ASCC3: variants seen among roughly 807,000 people sequenced by gnomAD.
ASCC3 encodes activating signal cointegrator 1 complex subunit 3.
A neutral mutation model predicts 256.3 loss-of-function variants in ASCC3; 158 were observed. That is an observed-to-expected ratio of 0.62 (90% CI 0.54 to 0.70). The LOEUF (loss-of-function observed/expected upper bound fraction) is 0.70. Ranked by LOEUF, ASCC3 falls within the 30% of genes least tolerant of loss-of-function variation. The probability of loss-of-function intolerance (pLI) is 0.00; values close to 1 mark genes in which losing one functional copy is unlikely to be tolerated. For synonymous variants in ASCC3, 948 were observed against 883.4 expected (o/e 1.07, Z -1.30); for missense variants, 2,259 against 2,626.0 (o/e 0.86, Z 3.05).
chr6:100,586,039 C>T (rs552485997), intron 36 of ASCC3, among the ~76,000 whole-genome samples: 101 of 152,282 alleles, frequency 6.6e-4, no homozygotes, highest in African/African-American at 2.4e-3. Flanking sequence ...GGGTCAGGGA[C>T]CCACTTGAGG....
chr6:100,662,254 C>G (rs1268291451), intron 15 of ASCC3, 91 bp downstream of exon 15: 5 of 1,348,370 alleles, frequency 3.7e-6, no homozygotes, highest in Non-Finnish European at 5.1e-6. Context: ...AAGGAAACAG[C>G]CAAATCACAA....
At chr6:100,849,857 T>C (rs926982054) in intron 3 of ASCC3, among the ~76,000 whole-genome samples, 5 of 152,108 alleles carry the variant, frequency 3.3e-5, no homozygotes, top group African/African-American at 1.2e-4. Flanking sequence ...CCCAGCACTT[T>C]GGGAGGCCGA....
Position 100,589,974 on chromosome 6 carries a change from G to C in ASCC3, c.5389C>G (p.Leu1797Val), listed in dbSNP as rs1771917680. 6.2e-7 allele frequency: 1 copy of C among 1,613,224 alleles called. No individual in the cohort carries two copies. The highest frequency in any genetic ancestry group is 1.1e-5 in the South Asian group (1 of 91,062). Residue 1797 changes from leucine (L) to valine (V), a missense_variant, in exon 35 of 42, where the codon CTT (leucine) becomes GTT (valine). Leu to Val is a conservative substitution (Grantham distance 32, BLOSUM62 1). Coordinates refer to ENST00000369162, the MANE Select transcript of ASCC3 (RefSeq NM_006828.4). ...LIEKSLIELELSYCIEIGEDN... is the reference protein window; with the variant it reads ...LIEKSLIELEVSYCIEIGEDN... ...TCTCCAATTTCAATACAGTAGGAAA[G>C]TTCCAATTCAATCAGGGACTTCTCA... is the stretch of plus-strand genomic sequence containing the variant.
intron 10 of ASCC3, among the ~76,000 whole-genome samples, chr6:100,757,388 G>T (rs984238600): frequency 6.6e-6 from 1 of 151,876 alleles, no homozygotes; most frequent in Non-Finnish European, 1.5e-5. Flanking sequence ...ATGACAAAAT[G>T]GCTTTCTTTA....
chr6:100,595,910 T>C (rs536343774), intron 34 of ASCC3, among the ~76,000 whole-genome samples: 2 of 152,308 alleles, frequency 1.3e-5, no homozygotes, highest in East Asian at 1.9e-4. Flanking sequence ...TTTCCTATAT[T>C]TACATTTTGC....
chr6:100,511,634 G>A (rs1322157373), intron 40 of ASCC3, among the ~76,000 whole-genome samples: 1 of 152,064 alleles, frequency 6.6e-6, no homozygotes, highest in Non-Finnish European at 1.5e-5. Context: ...TTGGGAGGCT[G>A]AAGCAGGAGA....
chr6:100,706,870 C>T (rs184690373), intron 13 of ASCC3, among the ~76,000 whole-genome samples: 23 of 152,158 alleles, frequency 1.5e-4, no homozygotes, highest in Admixed American at 3.3e-4. Flanking sequence ...CTTTGTTCTT[C>T]ACTTATGTTG....
chr6:100,557,334 T>C (rs981745978), intron 36 of ASCC3, among the ~76,000 whole-genome samples: 1 of 152,164 alleles, frequency 6.6e-6, no homozygotes, highest in African/African-American at 2.4e-5. Flanking sequence ...AGTACTGTTA[T>C]GTTGTGCTTT....
intron 30 of ASCC3, among the ~76,000 whole-genome samples, chr6:100,620,751 G>A (rs1267829886): frequency 6.6e-6 from 1 of 152,128 alleles, no homozygotes; most frequent in South Asian, 2.1e-4. Context: ...TCCTGCCACA[G>A]AACATCAATT....
chr6:100,530,579 T>C (rs1774819530), intron 37 of ASCC3: 1 of 786,768 alleles, frequency 1.3e-6, no homozygotes, highest in Non-Finnish European at 2.4e-6. Flanking sequence ...CCAGCATTAG[T>C]GTGTTGATTA....
intron 5 of ASCC3, among the ~76,000 whole-genome samples, chr6:100,804,047 A>G (rs940708034): frequency 6.6e-6 from 1 of 152,162 alleles, no homozygotes; most frequent in African/African-American, 2.4e-5. Flanking sequence ...TTTTATAAAA[A>G]TAAGTTTTGT....
intron 36 of ASCC3, among the ~76,000 whole-genome samples, chr6:100,587,088 A>C (rs1350910595): frequency 6.6e-6 from 1 of 152,200 alleles, no homozygotes; most frequent in Non-Finnish European, 1.5e-5. Context: ...TAATAACAAA[A>C]GCAATGATAA....
At chr6:100,745,557 C>T (rs929080155) in intron 10 of ASCC3, among the ~76,000 whole-genome samples, 1 of 151,530 alleles carries the variant, frequency 6.6e-6, no homozygotes, top group African/African-American at 2.4e-5. Flanking sequence ...TGCACATACA[C>T]TCCCTCTGCT....
intron 27 of ASCC3, 39 bp downstream of exon 27, chr6:100,628,976 T>A (rs1562180145): frequency 1.3e-6 from 2 of 1,587,756 alleles, no homozygotes; most frequent in Admixed American, 1.7e-5. Flanking sequence ...TTTACAAAGT[T>A]AAAGTTTGTA....
intron 4 of ASCC3, among the ~76,000 whole-genome samples, chr6:100,824,374 T>A (rs145289227): frequency 1.3e-5 from 2 of 152,230 alleles, no homozygotes; most frequent in East Asian, 3.9e-4. Context: ...CAAAAATAAG[T>A]CTACTTGGAG....
At chr6:100,753,212 G>A (rs943040436) in intron 10 of ASCC3, among the ~76,000 whole-genome samples, 6 of 150,584 alleles carry the variant, frequency 4.0e-5, no homozygotes, top group African/African-American at 7.3e-5. Flanking sequence ...CATGTAAATT[G>A]AAATTAGAGA....
intron 10 of ASCC3, among the ~76,000 whole-genome samples, chr6:100,765,917 G>A (rs1781635505): frequency 6.6e-6 from 1 of 151,890 alleles, no homozygotes; most frequent in Non-Finnish European, 1.5e-5. Context: ...TTAATATCTG[G>A]TCATCCACTA....
At chr6:100,752,136 G>T (rs1276452396) in intron 10 of ASCC3, among the ~76,000 whole-genome samples, 2 of 151,872 alleles carry the variant, frequency 1.3e-5, no homozygotes, top group Non-Finnish European at 2.9e-5. Context: ...AGTTTTCCTG[G>T]ATTTTATTAC....
intron 10 of ASCC3, among the ~76,000 whole-genome samples, chr6:100,753,314 A>C (rs796840261): frequency 0.016 from 740 of 46,056 alleles, 10 homozygotes; most frequent in African/African-American, 0.04. Context: ...GCAAAACAAA[A>C]CAAAACATTT....
Sources: allele counts gnomAD v4.1 joint callset (sites outside exome capture counted in the v4.1 genomes callset), GRCh38; gene constraint gnomAD v4.1.1; transcripts MANE v1.5; gene names NCBI Gene and HGNC (gene_info 2026-07-23, HGNC 2026-07-21).